CENPQ: variants seen among roughly 807,000 people sequenced by gnomAD.
CENPQ encodes the protein chromosome 6 open reading frame 139.
CENPQ carries 27 observed loss-of-function variants against 36.6 expected under a neutral mutation model. That is an observed-to-expected ratio of 0.74 (90% CI 0.54 to 1.02). The LOEUF (loss-of-function observed/expected upper bound fraction) is 1.02. CENPQ is among the 50% of genes least tolerant of loss of function. The pLI, the probability that CENPQ is intolerant of heterozygous loss-of-function variation, is 0.00. For missense variants in CENPQ, 306 were observed against 301.8 expected (o/e 1.01, Z -0.10); for synonymous variants, 101 against 101.7 (o/e 0.99, Z 0.04).
In CENPQ at chr6:49,472,191, TA is replaced by T. The variant is rs777349975; in HGVS notation, c.278+12del. 7 of 1,590,850 alleles carry T rather than the reference TA, an allele frequency of 4.4e-6. No homozygotes were observed. The Admixed American group carries it at 1.2e-4, about 28-fold the overall frequency. ...GATGGAATCAGTAATAATGTGAGTA[TA>T]AAATTGTTCCATTTCATTCTTTTGG... is the stretch of plus-strand genomic sequence containing the variant. On this transcript the variant is annotated intron_variant, in intron 4 of 8. Coordinates refer to ENST00000335783, the MANE Select transcript of CENPQ (RefSeq NM_018132.4).
At chr6:49,471,934 G>A in intron 3 of CENPQ, 129 bp from the exon 4 acceptor site, 1 of 1,046,096 alleles carries the variant, frequency 9.6e-7, no homozygotes. Context: ...AAATTAAACA[G>A]TTTATACAGC....
intron 5 of CENPQ, among the ~76,000 whole-genome samples, chr6:49,480,288 A>G (rs1349953419): frequency 6.6e-6 from 1 of 152,174 alleles, no homozygotes; most frequent in African/African-American, 2.4e-5. Flanking sequence ...TGGGAAAGCT[A>G]TTTTGCAGTC....
At chr6:49,469,643 G>C (rs555683577) in intron 1 of CENPQ, among the ~76,000 whole-genome samples, 1 of 152,210 alleles carries the variant, frequency 6.6e-6, no homozygotes, top group South Asian at 2.1e-4. Flanking sequence ...AATAGTGTCA[G>C]ACTAACACAT....
chr6:49,486,302 CA>C, intron 6 of CENPQ, among the ~76,000 whole-genome samples: 1 of 152,318 alleles, frequency 6.6e-6, no homozygotes, highest in Non-Finnish European at 1.5e-5. Context: ...AGAACCATGA[CA>C]GAATGAATTT....
At chr6:49,483,450 A>T (rs1768497956) in intron 6 of CENPQ, among the ~76,000 whole-genome samples, 1 of 151,994 alleles carries the variant, frequency 6.6e-6, no homozygotes, top group Admixed American at 6.6e-5. Context: ...GGTCGATGGG[A>T]CTGGGCACTG....
At chr6:49,483,054 G>T (rs1768481112) in intron 6 of CENPQ, among the ~76,000 whole-genome samples, 1 of 152,130 alleles carries the variant, frequency 6.6e-6, no homozygotes. Flanking sequence ...TTAGTCTCTT[G>T]TCTGGCCCCA....
In CENPQ at chr6:49,481,942, G is replaced by A. The variant is rs543129748; in HGVS notation, c.477+862G>A. Among the ~76,000 whole-genome samples, 15 of 152,314 alleles carry A rather than the reference G, an allele frequency of 9.8e-5. No individual in the cohort carries two copies. In the South Asian group the frequency reaches 1.2e-3, roughly 13 times the overall value. ...CGGAGGAGGGAGGCTCAGGCATGGC[G>A]GGCTGCAGGTCCTGAGCCCTGCCCC... On this transcript the variant is annotated intron_variant, in intron 6 of 8. Transcript: ENST00000335783.
At chr6:49,492,039 G>A (rs1400344755) in intron 8 of CENPQ, 105 bp from the exon 9 acceptor site, 2 of 825,322 alleles carry the variant, frequency 2.4e-6, no homozygotes, top group Admixed American at 3.1e-5. Context: ...TATTGAAGTT[G>A]GATGATAGAT....
In CENPQ at chr6:49,475,467, A is replaced by G. The variant is rs189387038; in HGVS notation, c.347+2609A>G. Among the ~76,000 whole-genome samples, 31 of 152,368 alleles carry G rather than the reference A, an allele frequency of 2.0e-4. No individual in the cohort carries two copies. The East Asian group carries it at 5.6e-3, about 27-fold the overall frequency. ...TTATGACAAATCCACAGCCAATGTC[A>G]TACTGAATGGGCAAAAACTGGAAGC... On this transcript the variant is annotated intron_variant, in intron 5 of 8. Coordinates refer to ENST00000335783, the MANE Select transcript of CENPQ (RefSeq NM_018132.4).
intron 3 of CENPQ, 94 bp downstream of exon 3, chr6:49,471,122 G>A (rs1768124207): frequency 1.6e-6 from 1 of 644,970 alleles, no homozygotes; most frequent in Non-Finnish European, 2.4e-6. Flanking sequence ...TATGAGTTCT[G>A]CAAAAGATAG....
At chr6:49,489,012 T>C (rs548642882) in intron 8 of CENPQ, among the ~76,000 whole-genome samples, 1 of 152,342 alleles carries the variant, frequency 6.6e-6, no homozygotes, top group South Asian at 2.1e-4. Flanking sequence ...GGCTGCTGAC[T>C]GATAGCGTGG....
intron 5 of CENPQ, among the ~76,000 whole-genome samples, chr6:49,473,507 G>A (rs1421281721): frequency 1.3e-5 from 2 of 152,114 alleles, no homozygotes; most frequent in Admixed American, 6.5e-5. Flanking sequence ...CCCTAAAAGA[G>A]CTTCTGAAGG....
In CENPQ at chr6:49,493,094, T is replaced by G. The variant is rs1398783927; in HGVS notation, c.*819T>G. The G allele has an allele frequency of 6.6e-6, 1 of 150,752 alleles. No individual in the cohort carries two copies. Among genetic ancestry groups the G allele is most frequent in the African/African-American group, 2.4e-5 (1 of 40,870 alleles). The allele number at this position is 150,752 out of a possible 1,614,324, so 9.3% of individuals were successfully genotyped here. A position where few individuals can be genotyped will look rare whatever the true frequency, so the allele number is the denominator to read the frequency against. On this transcript the variant is annotated 3_prime_UTR_variant, in exon 9 of 9. Transcript: ENST00000335783. ...TTTTTAGTCTGTAAAATAAAATGAC[T>G]GCAATTACTTTTTTATGTGACCTAT...
In CENPQ at chr6:49,492,176, T is replaced by G. The variant is rs150149074; in HGVS notation, c.708T>G (p.Asn236Lys). 5 of 1,605,596 alleles carry G rather than the reference T, an allele frequency of 3.1e-6. No individual in the cohort carries two copies. Among genetic ancestry groups the G allele is most frequent in the Non-Finnish European group, 4.2e-6 (5 of 1,177,914 alleles). The part of the protein sequence containing the change: ...KEILALIPNQ[N>K]ALLKDLDILH... ...TTTTGGCGCTAATTCCAAACCAGAA[T>G]GCTCTTCTAAAGGACTTGGATATTC... Residue 236 changes from asparagine to lysine, a missense_variant, in exon 9 of 9, where the codon AAT (asparagine) becomes AAG (lysine). Transcript: ENST00000335783.
At position 49,470,156 on chromosome 6, in the gene CENPQ, A is replaced by G. The variant is rs1768093609; in HGVS notation, c.-18-3A>G. 1 of 1,316,000 alleles carries G rather than the reference A, an allele frequency of 7.6e-7. No individual in the cohort carries two copies. Among genetic ancestry groups the G allele is most frequent in the Non-Finnish European group, 1.1e-6 (1 of 947,970 alleles). The allele number at this position is 1,316,000 out of a possible 1,614,324, so 81.5% of individuals were successfully genotyped here. A position where few individuals can be genotyped will look rare whatever the true frequency, so the allele number is the denominator to read the frequency against. On this transcript the variant is annotated splice_region_variant and splice_polypyrimidine_tract_variant and intron_variant, in intron 1 of 8. Coordinates refer to ENST00000335783, the MANE Select transcript of CENPQ (RefSeq NM_018132.4). ...TCTTTACAGATTTTTTTTTTTTTCG[A>G]AGCACTGTGTTTAGATCAAGATGTC... is the stretch of plus-strand genomic sequence containing the variant.
At position 49,477,224 on chromosome 6, in the gene CENPQ, G is replaced by C. The variant is rs1768315454; in HGVS notation, c.348-3727G>C. 2.0e-5 allele frequency among the ~76,000 whole-genome samples: 3 copies of C among 152,170 alleles called. No homozygotes were observed. The South Asian group carries it at 6.2e-4, about 32-fold the overall frequency. On this transcript the variant is annotated intron_variant, in intron 5 of 8. Coordinates refer to ENST00000335783, the MANE Select transcript of CENPQ (RefSeq NM_018132.4). Reference sequence around the variant, plus strand: ...AGAAAATGTGGCACATATACACCATGGAATACTATGCAGCCATAAGAAAGG... The same window carrying C: ...AGAAAATGTGGCACATATACACCATCGAATACTATGCAGCCATAAGAAAGG...
At chr6:49,483,542 G>C (rs1363522215) in intron 6 of CENPQ, among the ~76,000 whole-genome samples, 1 of 152,206 alleles carries the variant, frequency 6.6e-6, no homozygotes. Context: ...ATGTCGGGCT[G>C]CAGGTCCCAA....
intron 5 of CENPQ, among the ~76,000 whole-genome samples, chr6:49,477,923 G>A (rs973875433): frequency 6.6e-6 from 1 of 152,152 alleles, no homozygotes; most frequent in Admixed American, 6.5e-5. Flanking sequence ...AAATACTAAT[G>A]TTTAGTTTAT....
intron 4 of CENPQ, 84 bp from the exon 5 acceptor site, chr6:49,472,706 G>C (rs146264867): frequency 8.8e-7 from 1 of 1,134,242 alleles, no homozygotes; most frequent in African/African-American, 1.6e-5. Flanking sequence ...AGGGGTACTT[G>C]AGAGAAATCA....
Sources: gnomAD v4.1 joint callset for allele counts (sites outside exome capture counted in the v4.1 genomes callset) on GRCh38, gnomAD v4.1.1 for gene constraint, MANE v1.5 for transcripts, NCBI Gene and HGNC (gene_info 2026-07-23, HGNC 2026-07-21) for gene names.